The following TNRC6C variants were observed in gnomAD, a reference collection of about 807,000 sequenced individuals.
TNRC6C encodes trinucleotide repeat containing adaptor 6C.
Under a neutral mutation model 153.7 loss-of-function variants are expected in TNRC6C, and 20 were observed. The ratio of observed to expected loss-of-function variants is 0.13; its 90% CI spans 0.09 to 0.19. The LOEUF (loss-of-function observed/expected upper bound fraction) is 0.19, where lower values mean the gene tolerates loss of function less well. TNRC6C is among the 10% of genes least tolerant of loss of function. TNRC6C has a pLI of 1.00. For synonymous variants in TNRC6C, 811 were observed against 841.4 expected (o/e 0.96, Z 0.63); for missense variants, 1,987 against 2,172.0 (o/e 0.91, Z 1.69).
intron 1 of TNRC6C, among the ~76,000 whole-genome samples, chr17:77,990,118 C>T (rs76337334): frequency 0.028 from 4,209 of 152,266 alleles, 176 homozygotes; most frequent in African/African-American, 0.096. Context: ...ACCTCCCTCT[C>T]CCTTATACCC....
At chr17:78,067,379 C>T (rs980662467) in intron 4 of TNRC6C, among the ~76,000 whole-genome samples, 2 of 152,128 alleles carry the variant, frequency 1.3e-5, no homozygotes, top group Non-Finnish European at 2.9e-5. Context: ...AAAAACCACA[C>T]AGGACAATGA....
chr17:77,978,882 T>G (rs944152137), intron 1 of TNRC6C, among the ~76,000 whole-genome samples: 6 of 152,146 alleles, frequency 3.9e-5, no homozygotes, highest in African/African-American at 9.7e-5. Flanking sequence ...TGAAATAGAT[T>G]AAAGTGATTC....
chr17:78,050,345 A>G (rs1293203096), exon 3 of TNRC6C: 5 of 1,609,964 alleles, frequency 3.1e-6, no homozygotes, highest in Non-Finnish European at 4.2e-6. Context: ...GGGATTATAG[A>G]CCAAGGGCAC....
intron 3 of TNRC6C, among the ~76,000 whole-genome samples, chr17:78,056,947 G>A (rs1332550288): frequency 3.3e-5 from 5 of 151,980 alleles, no homozygotes; most frequent in Non-Finnish European, 7.4e-5. Flanking sequence ...TGCTGTAACT[G>A]CTACACCTTA....
Position 78,029,570 on chromosome 17 carries a change from G to T in TNRC6C, c.-545-1946G>T, listed in dbSNP as rs550921064. Among the ~76,000 whole-genome samples, 316 of 152,290 alleles carry T rather than the reference G, an allele frequency of 2.1e-3. 4 individuals carry two copies. Among genetic ancestry groups the T allele is most frequent in the African/African-American group, 6.9e-3 (288 of 41,558 alleles). The stretch of plus-strand genomic sequence containing the variant: ...GAGTCAGTGAGTGGTGAGTGAATGT[G>T]AAGGCCTAGGACATGACTATACACT... On this transcript the variant is annotated intron_variant, in intron 1 of 19. Transcript: ENST00000301624.
intron 7 of TNRC6C, 81 bp downstream of exon 9, chr17:78,073,175 T>G: frequency 7.9e-7 from 1 of 1,266,758 alleles, no homozygotes; most frequent in Non-Finnish European, 1.1e-6. Context: ...GTAGTCATGG[T>G]TTAATGGTTA....
chr17:78,051,802 G>C (rs2072543085), intron 3 of TNRC6C, among the ~76,000 whole-genome samples: 1 of 152,186 alleles, frequency 6.6e-6, no homozygotes, highest in Non-Finnish European at 1.5e-5. Flanking sequence ...GAGCAAAGAA[G>C]ATAGGATAGA....
At chr17:78,081,457 A>G (rs1334616790) in intron 10 of TNRC6C, among the ~76,000 whole-genome samples, 2 of 152,194 alleles carry the variant, frequency 1.3e-5, no homozygotes, top group African/African-American at 4.8e-5. Flanking sequence ...AACTATTATC[A>G]GGCAATAATA....
upstream of TNRC6C, among the ~76,000 whole-genome samples, chr17:78,000,371 A>G (rs2071391988): frequency 6.6e-6 from 1 of 152,228 alleles, no homozygotes. Context: ...TACTGCCCAC[A>G]AAAGTCTAGC....
rs140600551 is a variant in TNRC6C, at chr17:78,024,711, A to G, written c.-545-6805A>G. ...TACAAAACAATCGAGCTGAAAGTAT[A>G]AAGTTCCCATGTATTCCCTCTCCTC... is the stretch of plus-strand genomic sequence containing the variant. On this transcript the variant is annotated intron_variant, in intron 1 of 19. Transcript: ENST00000301624. Among the ~76,000 whole-genome samples the G allele has an allele frequency of 6.0e-4, 91 of 151,838 alleles. 1 individual carries two copies. The highest frequency in any genetic ancestry group is 2.1e-3 in the African/African-American group (86 of 41,412).
chr17:78,056,158 C>CTT (rs879621792), intron 3 of TNRC6C, among the ~76,000 whole-genome samples: 39 of 143,352 alleles, frequency 2.7e-4, no homozygotes, highest in African/African-American at 8.0e-4. Context: ...CCAGAAACTA[C>CTT]TTTTTTTTTT....
chr17:77,959,790 G>A (rs1460930825), intron 1 of TNRC6C, among the ~76,000 whole-genome samples: 1 of 152,150 alleles, frequency 6.6e-6, no homozygotes, highest in Non-Finnish European at 1.5e-5. Context: ...TAATGCGTAT[G>A]AGGAAAACGA....
intron 3 of TNRC6C, among the ~76,000 whole-genome samples, 200 bp from the exon 6 acceptor site, chr17:78,064,522 T>C (rs1277305807): frequency 6.6e-6 from 1 of 152,118 alleles, no homozygotes; most frequent in African/African-American, 2.4e-5. Flanking sequence ...TAAATAAAAA[T>C]AAATGAATAA....
intron 1 of TNRC6C, among the ~76,000 whole-genome samples, chr17:77,983,764 CT>C (rs1436893570): frequency 1.3e-5 from 2 of 152,110 alleles, no homozygotes; most frequent in Admixed American, 6.5e-5. Context: ...ATTAACTTTG[CT>C]TTTTCCCCCC....
In TNRC6C at chr17:78,017,999, TACA is replaced by T. The variant is rs2071761023; in HGVS notation, c.-546+12925_-546+12927del. On this transcript the variant is annotated intron_variant, in intron 1 of 19. Coordinates refer to ENST00000301624, the Ensembl canonical transcript of TNRC6C. ...GTCCCACTGTTCCTTTTATCATGCT[TACA>T]ACAATGTGTAATTTTCTATTTGTGA... 2.0e-5 allele frequency among the ~76,000 whole-genome samples: 3 copies of T among 152,390 alleles called. No individual in the cohort carries two copies. In the South Asian group the frequency reaches 6.2e-4, roughly 32 times the overall value.
At chr17:78,083,675 A>G (rs1449660189) in intron 11 of TNRC6C, among the ~76,000 whole-genome samples, 1 of 152,252 alleles carries the variant, frequency 6.6e-6, no homozygotes, top group Non-Finnish European at 1.5e-5. Context: ...CTATTCTAGA[A>G]GCACAGGAGA....
chr17:77,966,082 A>T (rs2070894412), intron 1 of TNRC6C, among the ~76,000 whole-genome samples: 1 of 152,214 alleles, frequency 6.6e-6, no homozygotes, highest in Admixed American at 6.5e-5. Flanking sequence ...GGGATATTCT[A>T]CAAGGAGACG....
chr17:78,065,705 G>A (rs374485909), intron 4 of TNRC6C, among the ~76,000 whole-genome samples: 1 of 152,114 alleles, frequency 6.6e-6, no homozygotes, highest in Non-Finnish European at 1.5e-5. Flanking sequence ...ATTCCACTGG[G>A]TGGAATTTGC....
chr17:78,089,878 A>G (rs564923263), intron 13 of TNRC6C, among the ~76,000 whole-genome samples: 1 of 152,316 alleles, frequency 6.6e-6, no homozygotes, highest in South Asian at 2.1e-4. Flanking sequence ...GGCTTGTTTC[A>G]GGGGCCCATT....
Sources: gnomAD v4.1 joint callset for allele counts (sites outside exome capture counted in the v4.1 genomes callset) on GRCh38, gnomAD v4.1.1 for gene constraint, MANE v1.5 for transcripts, NCBI Gene and HGNC (gene_info 2026-07-23, HGNC 2026-07-21) for gene names.